The following TOX variants were observed in gnomAD, a reference collection of about 807,000 sequenced individuals.
TOX encodes the protein thymocyte selection-associated high mobility group box protein TOX.
Under a neutral mutation model 53.7 loss-of-function variants are expected in TOX, and 11 were observed. The observed-to-expected ratio is 0.20, with a 90% CI of 0.13 to 0.34. The LOEUF is 0.34. Ranked by LOEUF, TOX falls within the 10% of genes least tolerant of loss-of-function variation. TOX has a pLI of 1.00. For synonymous variants in TOX, 225 were observed against 245.3 expected (o/e 0.92, Z 0.77); for missense variants, 570 against 664.6 (o/e 0.86, Z 1.56).
intron 5 of TOX, among the ~76,000 whole-genome samples, chr8:58,828,750 T>C (rs2129166027): frequency 6.6e-6 from 1 of 152,304 alleles, no homozygotes; most frequent in African/African-American, 2.4e-5. Flanking sequence ...TTTATAGTTT[T>C]TCCTTAAAGC....
intron 4 of TOX, among the ~76,000 whole-genome samples, chr8:58,845,164 G>A (rs992394597): frequency 1.3e-5 from 2 of 152,106 alleles, no homozygotes; most frequent in African/African-American, 2.4e-5. Flanking sequence ...AAAATAAACT[G>A]CCGCGGTCCC....
At chr8:59,016,006 C>T (rs543018801) in intron 1 of TOX, among the ~76,000 whole-genome samples, 16 of 152,084 alleles carry the variant, frequency 1.1e-4, no homozygotes, top group Non-Finnish European at 1.6e-4. Flanking sequence ...CTCTAGCAGG[C>T]GATTTTCAGA....
chr8:59,041,073 C>CGTGTGTGTGTGT (rs61657323), intron 1 of TOX, among the ~76,000 whole-genome samples: 86 of 143,928 alleles, frequency 6.0e-4, no homozygotes, highest in African/African-American at 1.2e-3. Context: ...AAAGGGACTC[C>CGTGTGTGTGTGT]GTGTGTGTGT....
intron 1 of TOX, among the ~76,000 whole-genome samples, chr8:59,099,874 G>A (rs1048452329): frequency 1.2e-4 from 19 of 152,114 alleles, no homozygotes; most frequent in Non-Finnish European, 2.5e-4. Context: ...CTTTTTGGAC[G>A]ACTCTCAAAG....
chr8:58,898,279 T>C (rs745813437), intron 3 of TOX, among the ~76,000 whole-genome samples: 13 of 152,218 alleles, frequency 8.5e-5, no homozygotes, highest in African/African-American at 1.2e-4. Flanking sequence ...AATTTCAATT[T>C]ACACCTTCGC....
intron 3 of TOX, among the ~76,000 whole-genome samples, chr8:58,938,709 A>C (rs1812387270): frequency 6.6e-6 from 1 of 152,214 alleles, no homozygotes; most frequent in Non-Finnish European, 1.5e-5. Context: ...ATTCTTATTA[A>C]ATTTGAAAAA....
intron 1 of TOX, among the ~76,000 whole-genome samples, chr8:59,051,391 G>A (rs906554838): frequency 1.3e-5 from 2 of 151,956 alleles, no homozygotes; most frequent in South Asian, 2.1e-4. Flanking sequence ...TGGACGTTGC[G>A]GTATCTCCAG....
intron 3 of TOX, among the ~76,000 whole-genome samples, chr8:58,886,839 T>C (rs570349264): frequency 6.2e-4 from 94 of 151,924 alleles, no homozygotes; most frequent in African/African-American, 2.3e-3. Flanking sequence ...TATATTTTAT[T>C]TTATGTTTAT....
chr8:58,838,697 G>GTTTTTTTTTTTTTTTTTTTTT (rs1810590539), intron 4 of TOX, among the ~76,000 whole-genome samples: 2 of 76,684 alleles, frequency 2.6e-5, no homozygotes, highest in African/African-American at 1.6e-4. Flanking sequence ...AGTTATCCTT[G>GTTTTTTTTTTTTTTTTTTTTT]TCTTTTTTTT....
intron 3 of TOX, among the ~76,000 whole-genome samples, chr8:58,856,819 G>A (rs1464017750): frequency 1.3e-5 from 2 of 151,824 alleles, no homozygotes; most frequent in Non-Finnish European, 2.9e-5. Flanking sequence ...AAATATCTTG[G>A]ACCAAGACAT....
At chr8:58,862,548 G>T (rs1811028746) in intron 3 of TOX, among the ~76,000 whole-genome samples, 2 of 152,028 alleles carry the variant, frequency 1.3e-5, no homozygotes, top group Non-Finnish European at 2.9e-5. Flanking sequence ...TATTAAAAGG[G>T]TTAAAAACCT....
chr8:58,963,599 C>T (rs1318149186), intron 1 of TOX, among the ~76,000 whole-genome samples: 1 of 152,228 alleles, frequency 6.6e-6, no homozygotes, highest in African/African-American at 2.4e-5. Flanking sequence ...CACCCACTTC[C>T]TGTGTTCCAG....
At position 59,012,023 on chromosome 8, in the gene TOX, T is replaced by C. The variant is rs565318383; in HGVS notation, c.103-52015A>G. On this transcript the variant is annotated intron_variant, in intron 1 of 8. Coordinates refer to ENST00000361421, the MANE Select transcript of TOX (RefSeq NM_014729.3). ...CCTGACCTTTTTATGTTCAAATCATTTCCGGGTCAGGCAAGACCACCCTGG... is the reference window on the plus strand; with the variant it reads ...CCTGACCTTTTTATGTTCAAATCATCTCCGGGTCAGGCAAGACCACCCTGG... Among the ~76,000 whole-genome samples the C allele has an allele frequency of 4.6e-5, 7 of 152,242 alleles. No individual in the cohort carries two copies. The South Asian group carries it at 1.5e-3, about 32-fold the overall frequency.
intron 1 of TOX, among the ~76,000 whole-genome samples, chr8:59,009,526 C>T (rs1813859992): frequency 6.6e-6 from 1 of 152,118 alleles, no homozygotes; most frequent in Non-Finnish European, 1.5e-5. Context: ...AAGTGTGCCT[C>T]CACACCTGGC....
chr8:58,872,759 C>T (rs1266654142), intron 3 of TOX, among the ~76,000 whole-genome samples: 2 of 152,040 alleles, frequency 1.3e-5, no homozygotes, highest in Non-Finnish European at 2.9e-5. Context: ...TGAGAAGAGT[C>T]TACTAAGACA....
chr8:58,969,454 T>A (rs1164128827), intron 1 of TOX, among the ~76,000 whole-genome samples: 1 of 152,206 alleles, frequency 6.6e-6, no homozygotes, highest in Non-Finnish European at 1.5e-5. Context: ...TAATGTTTTA[T>A]TTTTTACATC....
Position 58,873,958 on chromosome 8 carries a change from C to CTTTTTTTTTTTTTTTTTTTTTTTTTTT in TOX, c.412-22180_412-22154dup, listed in dbSNP as rs1173710545. 8.2e-4 allele frequency among the ~76,000 whole-genome samples: 33 copies of CTTTTTTTTTTTTTTTTTTTTTTTTTTT among 40,136 alleles called. 5 individuals are homozygous for CTTTTTTTTTTTTTTTTTTTTTTTTTTT. The highest frequency in any genetic ancestry group is 1.7e-3 in the African/African-American group (10 of 5,792). The allele number at this position is 40,136 out of a possible 152,430, so 26.3% of individuals were successfully genotyped here. A position where few individuals can be genotyped will look rare whatever the true frequency, so the allele number is the denominator to read the frequency against. On this transcript the variant is annotated intron_variant, in intron 3 of 8. Transcript: ENST00000361421. Reference sequence around the variant, plus strand: ...AATACACATCCTGAATGCCAGGAAGCTTTTTTTTTTTTTTTTTTTTTTTTT... The same window carrying CTTTTTTTTTTTTTTTTTTTTTTTTTTT: ...AATACACATCCTGAATGCCAGGAAGCTTTTTTTTTTTTTTTTTTTTTTTTTTTTTTTTTTTTTTTTTTTTTTTTTTTT...
At chr8:59,070,433 G>C (rs1468412394) in intron 1 of TOX, among the ~76,000 whole-genome samples, 1 of 150,568 alleles carries the variant, frequency 6.6e-6, no homozygotes, top group Non-Finnish European at 1.5e-5. Context: ...AACATCTCAA[G>C]GATCAGCATT....
chr8:59,078,702 G>A (rs897495763), intron 1 of TOX, among the ~76,000 whole-genome samples: 1 of 152,198 alleles, frequency 6.6e-6, no homozygotes, highest in Non-Finnish European at 1.5e-5. Flanking sequence ...TAGGAGTGGG[G>A]CTTTGCTATA....
Sources: gnomAD v4.1 joint callset for allele counts (sites outside exome capture counted in the v4.1 genomes callset) on GRCh38, gnomAD v4.1.1 for gene constraint, MANE v1.5 for transcripts, NCBI Gene and HGNC (gene_info 2026-07-23, HGNC 2026-07-21) for gene names.